The following TP63 variants were observed in gnomAD, a reference collection of about 807,000 sequenced individuals.
TP63 encodes the protein tumor protein p63.
In TP63, 17 loss-of-function variants were observed where a neutral mutation model predicts 82.8. The ratio of observed to expected loss-of-function variants is 0.21; its 90% CI spans 0.14 to 0.31. The LOEUF (loss-of-function observed/expected upper bound fraction) is 0.31. TP63 is among the 10% of genes least tolerant of loss of function. The pLI, the probability that TP63 is intolerant of heterozygous loss-of-function variation, is 1.00. For missense variants in TP63, 648 were observed against 895.3 expected (o/e 0.72, Z 3.52); for synonymous variants, 330 against 321.7 (o/e 1.03, Z -0.28).
At chr3:189,825,625 C>T (rs1577043823) in intron 4 of TP63, among the ~76,000 whole-genome samples, 1 of 152,258 alleles carries the variant, frequency 6.6e-6, no homozygotes, top group Non-Finnish European at 1.5e-5. Context: ...ATATCAGTAT[C>T]TATTAAACAA....
chr3:189,858,067 A>G (rs977849259), intron 4 of TP63, among the ~76,000 whole-genome samples: 1 of 152,232 alleles, frequency 6.6e-6, no homozygotes, highest in Admixed American at 6.5e-5. Context: ...TAGCCAAGAT[A>G]TGCAATCAAC....
chr3:189,622,649 G>A, the TP63 span, among the ~76,000 whole-genome samples: 1 of 152,320 alleles, frequency 6.6e-6, no homozygotes, highest in African/African-American at 2.4e-5. Context: ...TCAACACCAG[G>A]CATACCATAG....
At chr3:189,712,384 A>G (rs934882185) in intron 1 of TP63, among the ~76,000 whole-genome samples, 1 of 152,204 alleles carries the variant, frequency 6.6e-6, no homozygotes, top group African/African-American at 2.4e-5. Context: ...TGCTGTAACA[A>G]AATACCATAA....
At chr3:189,754,515 A>G (rs1260292479) in intron 3 of TP63, among the ~76,000 whole-genome samples, 4 of 152,144 alleles carry the variant, frequency 2.6e-5, no homozygotes, top group African/African-American at 7.2e-5. Context: ...AACTCCAGTC[A>G]GGCTGCAAGG....
chr3:189,684,330 A>G (rs1716231765), intron 1 of TP63, among the ~76,000 whole-genome samples: 1 of 152,306 alleles, frequency 6.6e-6, no homozygotes, highest in East Asian at 1.9e-4. Context: ...CATACACATT[A>G]TAAATGCTGT....
intron 3 of TP63, 180 bp downstream of exon 3, chr3:189,738,954 C>T (rs528721259): frequency 1.8e-5 from 14 of 794,800 alleles, no homozygotes; most frequent in African/African-American, 3.4e-5. Flanking sequence ...CTGGGTCTGC[C>T]GCAAATATCT....
At chr3:189,838,824 G>C (rs1330956718) in intron 4 of TP63, among the ~76,000 whole-genome samples, 2 of 152,032 alleles carry the variant, frequency 1.3e-5, no homozygotes, top group South Asian at 2.1e-4. Context: ...TAGGATCTCA[G>C]TATTTCAGCA....
At chr3:189,689,098 CTTTTTCTTTTTTTTTTTTT>C (rs1298328025) in intron 1 of TP63, among the ~76,000 whole-genome samples, 29 of 85,156 alleles carry the variant, frequency 3.4e-4, no homozygotes, top group Admixed American at 5.4e-4. Flanking sequence ...TCAAATCTAC[CTTTTTCTTTTTTTTTTTTT>C]TTTTTTTTTT....
intron 1 of TP63, among the ~76,000 whole-genome samples, chr3:189,682,545 A>G (rs1258441017): frequency 9.8e-5 from 7 of 71,238 alleles, no homozygotes; most frequent in African/African-American, 4.3e-4. Context: ...GGAAAAAAAA[A>G]AAAAAAAAAT....
chr3:189,770,699 A>AT (rs1240239768), intron 3 of TP63, among the ~76,000 whole-genome samples: 1 of 152,150 alleles, frequency 6.6e-6, no homozygotes, highest in African/African-American at 2.4e-5. Context: ...TTTAAAGAAC[A>AT]TTTTTCTCTG....
intron 1 of TP63, among the ~76,000 whole-genome samples, chr3:189,635,763 A>T (rs1729737781): frequency 6.6e-6 from 1 of 151,984 alleles, no homozygotes; most frequent in South Asian, 2.1e-4. Flanking sequence ...ACTTTCCTCA[A>T]TATCTTTTTT....
chr3:189,844,620 C>G (rs1218123488), intron 4 of TP63, among the ~76,000 whole-genome samples: 1 of 152,104 alleles, frequency 6.6e-6, no homozygotes, highest in Non-Finnish European at 1.5e-5. Flanking sequence ...AAAATAATAT[C>G]TTTCTCGATA....
intron 1 of TP63, among the ~76,000 whole-genome samples, chr3:189,702,453 T>G (rs554108913): frequency 1.3e-5 from 2 of 152,264 alleles, no homozygotes; most frequent in South Asian, 4.1e-4. Context: ...GAGGTTTGAT[T>G]GGTAAATCAC....
intron 1 of TP63, among the ~76,000 whole-genome samples, chr3:189,735,002 C>T (rs766452363): frequency 6.6e-6 from 1 of 152,162 alleles, no homozygotes; most frequent in Non-Finnish European, 1.5e-5. Context: ...CCTCAAAACA[C>T]TAAAATATTT....
chr3:189,743,299 G>A (rs534412081), intron 3 of TP63, among the ~76,000 whole-genome samples: 13 of 152,126 alleles, frequency 8.5e-5, no homozygotes, highest in Non-Finnish European at 1.8e-4. Flanking sequence ...AAAATTTAAT[G>A]ATAATAACCA....
chr3:189,878,315 A>G (rs773224285), intron 10 of TP63, among the ~76,000 whole-genome samples: 18 of 151,280 alleles, frequency 1.2e-4, no homozygotes, highest in Non-Finnish European at 2.4e-4. Flanking sequence ...TTAAAAAGAG[A>G]TGAATATTGA....
At chr3:189,605,259 T>A in the TP63 span, among the ~76,000 whole-genome samples, 63 of 152,366 alleles carry the variant, frequency 4.1e-4, no homozygotes, top group African/African-American at 1.5e-3. Context: ...GCCAACTCAA[T>A]AGACTGTTTT....
intron 1 of TP63, among the ~76,000 whole-genome samples, chr3:189,722,202 G>T (rs907072992): frequency 1.3e-5 from 2 of 152,198 alleles, no homozygotes; most frequent in African/African-American, 4.8e-5. Flanking sequence ...GGCTTGGAAA[G>T]AATTCCGTGA....
chr3:189,836,460 C>T (rs536200982), intron 4 of TP63, among the ~76,000 whole-genome samples: 14 of 152,042 alleles, frequency 9.2e-5, no homozygotes, highest in African/African-American at 3.1e-4. Flanking sequence ...CAAAGCAAAG[C>T]GTTTTTGCTT....
Sources: allele counts gnomAD v4.1 joint callset (sites outside exome capture counted in the v4.1 genomes callset), GRCh38; gene constraint gnomAD v4.1.1; transcripts MANE v1.5; gene names NCBI Gene and HGNC (gene_info 2026-07-23, HGNC 2026-07-21).